The following ACAD10 variants were observed in gnomAD, a reference collection of about 807,000 sequenced individuals.
The protein encoded by ACAD10 is acyl-CoA dehydrogenase family member 10, also known as ACAD-10.
ACAD10 carries 112 observed loss-of-function variants against 116.8 expected under a neutral mutation model. That is an observed-to-expected ratio of 0.96 (90% CI 0.82 to 1.12). The LOEUF is 1.12. Ranked by LOEUF, ACAD10 falls within the 50% of genes most tolerant of loss-of-function variation. The probability of loss-of-function intolerance (pLI) is 0.00; values close to 1 mark genes in which losing one functional copy is unlikely to be tolerated. For synonymous variants in ACAD10, 486 were observed against 510.6 expected (o/e 0.95, Z 0.65); for missense variants, 1,259 against 1,350.2 (o/e 0.93, Z 1.06).
intron 2 of ACAD10, among the ~76,000 whole-genome samples, chr12:111,700,839 G>T (rs1182888368): frequency 1.4e-5 from 2 of 143,974 alleles, no homozygotes; most frequent in African/African-American, 5.2e-5. Flanking sequence ...GCTCATTGCA[G>T]CCTCAAACTC....
At chr12:111,705,630 A>G in intron 3 of ACAD10, 108 bp from the exon 4 acceptor site, 2 of 986,586 alleles carry the variant, frequency 2.0e-6, no homozygotes, top group Non-Finnish European at 3.0e-6. Context: ...GGGCTCTTGT[A>G]GCAGAGAGCA....
In ACAD10 at chr12:111,743,849, C is replaced by T. The variant is rs374681757; in HGVS notation, c.1715-794C>T. Among the ~76,000 whole-genome samples, 40 of 152,004 alleles carry T rather than the reference C, an allele frequency of 2.6e-4. 1 individual carries two copies. The South Asian group carries it at 5.8e-3, about 22-fold the overall frequency. On this transcript the variant is annotated intron_variant, in intron 12 of 20. Coordinates refer to ENST00000313698, the MANE Select transcript of ACAD10 (RefSeq NM_025247.6). ...GCAACCTCTGCCTCCCAGGTTCAAG[C>T]GATTCTCATGCCTTAGCCTCCTGAG...
In ACAD10 at chr12:111,729,880, A is replaced by G. The variant is rs1232913728; in HGVS notation, c.1318A>G (p.Met440Val). The G allele has an allele frequency of 1.2e-6, 2 of 1,614,012 alleles. No individual in the cohort carries two copies. Among genetic ancestry groups the G allele is most frequent in the Non-Finnish European group, 1.7e-6 (2 of 1,180,032 alleles). ...TTCCGAAACTAGCACCATCCCAGCC[A>G]TGGAGAGGCTGATCGAATGGCTGCC... The part of the protein sequence containing the change: ...RASETSTIPA[M>V]ERLIEWLPLH... The change falls in exon 10 of 21, where the codon ATG (methionine) becomes GTG (valine). Residue 440 changes from methionine (M) to valine (V), a missense_variant. By Grantham distance (21) the Met-to-Val change is conservative. Coordinates refer to ENST00000313698, the MANE Select transcript of ACAD10 (RefSeq NM_025247.6).
At position 111,756,790 on chromosome 12, in the gene ACAD10, G is replaced by C; in HGVS notation, c.*317G>C. 2 of 515,646 alleles carry C rather than the reference G, an allele frequency of 3.9e-6. No individual in the cohort carries two copies. The highest frequency in any genetic ancestry group is 7.5e-6 in the Non-Finnish European group (2 of 266,438). 31.9% of individuals were successfully genotyped at this position (515,646 alleles called of 1,614,324 possible). A position where few individuals can be genotyped will look rare whatever the true frequency, so the allele number is the denominator to read the frequency against. ...ACGGTCACTTCACTTCAGCCTTTCAGTCCCTCTCTCTCTGCCTGTGGGAAT... is the reference window on the plus strand; with the variant it reads ...ACGGTCACTTCACTTCAGCCTTTCACTCCCTCTCTCTCTGCCTGTGGGAAT... On this transcript the variant is annotated 3_prime_UTR_variant, in exon 21 of 21. Coordinates refer to ENST00000313698, the MANE Select transcript of ACAD10 (RefSeq NM_025247.6).
chr12:111,713,919 C>A lies in ACAD10; in HGVS notation c.850+1262C>A, dbSNP rs544472862. 2.7e-5 allele frequency among the ~76,000 whole-genome samples: 4 copies of A among 149,768 alleles called. No individual in the cohort carries two copies. The South Asian group carries it at 8.5e-4, about 32-fold the overall frequency. ...GCCACTGCAGGCCTGGGTGACAGAG[C>A]AAGACTCCGTCCCCCCCCCAAAAAA... is the stretch of plus-strand genomic sequence containing the variant. On this transcript the variant is annotated intron_variant, in intron 6 of 20. Transcript: ENST00000313698.
intron 8 of ACAD10, among the ~76,000 whole-genome samples, chr12:111,725,531 T>G (rs1889188354): frequency 6.6e-6 from 1 of 151,630 alleles, no homozygotes; most frequent in African/African-American, 2.4e-5. Flanking sequence ...TTCCTTTCTT[T>G]TCTTCTTCTT....
Position 111,734,080 on chromosome 12 carries a change from T to C in ACAD10, c.1540+12T>C. 1.9e-6 allele frequency: 3 copies of C among 1,614,144 alleles called. No individual in the cohort carries two copies. Among genetic ancestry groups the C allele is most frequent in the Non-Finnish European group, 1.7e-6 (2 of 1,180,014 alleles). On this transcript the variant is annotated intron_variant, in intron 11 of 20. Transcript: ENST00000313698. ...TCCCGTGCTGAGAGGTAGGAACTGC[T>C]GCTGGAGGATAGTGGGGGAGCAAGC... is the stretch of plus-strand genomic sequence containing the variant.
At chr12:111,688,950 A>C (rs1199984491) in intron 1 of ACAD10, among the ~76,000 whole-genome samples, 1 of 151,934 alleles carries the variant, frequency 6.6e-6, no homozygotes, top group Non-Finnish European at 1.5e-5. Flanking sequence ...CCCAGCACTT[A>C]GGGAGGCCAA....
intron 4 of ACAD10, 104 bp from the exon 5 acceptor site, chr12:111,709,422 C>T (rs1251813616): frequency 5.3e-6 from 5 of 947,584 alleles, no homozygotes; most frequent in South Asian, 2.2e-5. Context: ...TATAATAAAT[C>T]TCAACTGTCC....
chr12:111,711,268 T>C (rs947617103), intron 5 of ACAD10, among the ~76,000 whole-genome samples: 1 of 152,210 alleles, frequency 6.6e-6, no homozygotes, highest in African/African-American at 2.4e-5. Flanking sequence ...TGGTGCAGTC[T>C]TGGCTCACTG....
intron 18 of ACAD10, chr12:111,749,835 T>A (rs1270381227): frequency 6.7e-6 from 1 of 149,606 alleles, no homozygotes; most frequent in Non-Finnish European, 1.5e-5. Flanking sequence ...AGTTCAGTGG[T>A]GTGATCTCGG....
intron 14 of ACAD10, 70 bp from the exon 15 acceptor site, chr12:111,746,979 G>A (rs901336674): frequency 3.6e-5 from 54 of 1,505,430 alleles, no homozygotes; most frequent in Non-Finnish European, 4.2e-5. Context: ...CAGCCTGGGT[G>A]ACAGAGCTTG....
intron 2 of ACAD10, among the ~76,000 whole-genome samples, chr12:111,701,538 G>T (rs768817932): frequency 6.6e-6 from 1 of 152,180 alleles, no homozygotes; most frequent in South Asian, 2.1e-4. Flanking sequence ...GGTGGTGCAC[G>T]CCTATAATCT....
At chr12:111,697,583 TC>T (rs1377096544) in intron 2 of ACAD10, among the ~76,000 whole-genome samples, 1 of 125,076 alleles carries the variant, frequency 8.0e-6, no homozygotes, top group Non-Finnish European at 1.6e-5. Context: ...TTGGTCTCTC[TC>T]TTTTTTTTTT....
chr12:111,733,524 A>G (rs983496099), intron 10 of ACAD10, among the ~76,000 whole-genome samples: 1 of 152,018 alleles, frequency 6.6e-6, no homozygotes, highest in Admixed American at 6.6e-5. Flanking sequence ...CGTGTCTTAT[A>G]TCTGTTAGAA....
At chr12:111,731,582 C>T (rs1301014157) in intron 10 of ACAD10, among the ~76,000 whole-genome samples, 1 of 152,192 alleles carries the variant, frequency 6.6e-6, no homozygotes, top group Non-Finnish European at 1.5e-5. Flanking sequence ...AGTCTGAGCA[C>T]CCCCTCCCCT....
intron 7 of ACAD10, among the ~76,000 whole-genome samples, chr12:111,716,484 G>T (rs1888849889): frequency 6.6e-6 from 1 of 152,148 alleles, no homozygotes; most frequent in Admixed American, 6.5e-5. Context: ...CAATTCTGGG[G>T]CTCTGTCTTA....
chr12:111,721,965 A>G (rs1221833483), intron 8 of ACAD10: 2 of 369,420 alleles, frequency 5.4e-6, no homozygotes, highest in Admixed American at 9.0e-5. Context: ...TTTAACATTC[A>G]AAAAATACAT....
intron 5 of ACAD10, among the ~76,000 whole-genome samples, chr12:111,711,030 C>T (rs1307620556): frequency 6.6e-6 from 1 of 152,156 alleles, no homozygotes; most frequent in African/African-American, 2.4e-5. Context: ...ATCCTGGGTT[C>T]GAAGGCCTTC....
Sources: allele counts gnomAD v4.1 joint callset (sites outside exome capture counted in the v4.1 genomes callset), GRCh38; gene constraint gnomAD v4.1.1; transcripts MANE v1.5; gene names NCBI Gene and HGNC (gene_info 2026-07-23, HGNC 2026-07-21).